Variants in FBXL7 observed in about 807,000 individuals in gnomAD.
FBXL7 encodes F-box and leucine rich repeat protein 7.
FBXL7 carries 12 observed loss-of-function variants against 38.3 expected under a neutral mutation model. The observed-to-expected ratio is 0.31, with a 90% CI of 0.20 to 0.51. FBXL7 has a LOEUF of 0.51. Among genes scored for constraint, FBXL7 ranks in the 20% least tolerant of loss-of-function variants. The probability of loss-of-function intolerance (pLI) is 0.98; values close to 1 mark genes in which losing one functional copy is unlikely to be tolerated. For synonymous variants in FBXL7, 297 were observed against 300.9 expected (o/e 0.99, Z 0.13); for missense variants, 567 against 676.4 (o/e 0.84, Z 1.79).
intron 1 of FBXL7, among the ~76,000 whole-genome samples, chr5:15,509,201 G>A (rs1472133898): frequency 6.6e-6 from 1 of 152,190 alleles, no homozygotes; most frequent in East Asian, 1.9e-4. Context: ...GCTGGGAGGG[G>A]CAGAGTGGCA....
At chr5:15,901,002 A>G (rs1741220014) in intron 2 of FBXL7, among the ~76,000 whole-genome samples, 1 of 152,234 alleles carries the variant, frequency 6.6e-6, no homozygotes, top group African/African-American at 2.4e-5. Flanking sequence ...CTTAACTTCA[A>G]AAACACATGT....
chr5:15,780,029 A>T (rs1192213917), intron 2 of FBXL7, among the ~76,000 whole-genome samples: 1 of 152,182 alleles, frequency 6.6e-6, no homozygotes, highest in Non-Finnish European at 1.5e-5. Flanking sequence ...TGGGTATTGA[A>T]TATGTTAAGT....
intron 2 of FBXL7, among the ~76,000 whole-genome samples, chr5:15,704,264 T>A (rs1281858161): frequency 6.6e-6 from 1 of 152,170 alleles, no homozygotes; most frequent in Non-Finnish European, 1.5e-5. Flanking sequence ...GGATTCCAGC[T>A]CCCTCATCTG....
At chr5:15,790,943 G>A (rs1737257905) in intron 2 of FBXL7, among the ~76,000 whole-genome samples, 1 of 152,080 alleles carries the variant, frequency 6.6e-6, no homozygotes, top group Non-Finnish European at 1.5e-5. Flanking sequence ...AAGTCCTTTT[G>A]GTCATGGGAA....
At chr5:15,833,838 A>C (rs1173447666) in intron 2 of FBXL7, among the ~76,000 whole-genome samples, 1 of 152,190 alleles carries the variant, frequency 6.6e-6, no homozygotes, top group Non-Finnish European at 1.5e-5. Context: ...AAGGGCATGG[A>C]CATTCTAAAA....
intron 2 of FBXL7, among the ~76,000 whole-genome samples, chr5:15,899,356 C>G (rs1038307772): frequency 6.6e-6 from 1 of 152,172 alleles, no homozygotes; most frequent in African/African-American, 2.4e-5. Flanking sequence ...CGTGAGCCAC[C>G]GCGCCTGGCC....
At chr5:15,764,135 G>A (rs1211461296) in intron 2 of FBXL7, among the ~76,000 whole-genome samples, 3 of 152,170 alleles carry the variant, frequency 2.0e-5, no homozygotes, top group African/African-American at 7.2e-5. Flanking sequence ...GTCCAGTTAA[G>A]TTGACATCTA....
At chr5:15,669,470 C>T (rs753037936) in intron 2 of FBXL7, among the ~76,000 whole-genome samples, 7 of 152,128 alleles carry the variant, frequency 4.6e-5, no homozygotes, top group African/African-American at 1.4e-4. Context: ...GAGACACTAG[C>T]GTGGGATGCA....
intron 3 of FBXL7, among the ~76,000 whole-genome samples, chr5:15,931,663 T>C (rs1274058253): frequency 6.6e-6 from 1 of 152,190 alleles, no homozygotes; most frequent in African/African-American, 2.4e-5. Context: ...CATAAGATGC[T>C]CTTCTTAGGT....
At chr5:15,700,426 A>G (rs961098859) in intron 2 of FBXL7, among the ~76,000 whole-genome samples, 10 of 152,144 alleles carry the variant, frequency 6.6e-5, no homozygotes, top group Admixed American at 2.6e-4. Flanking sequence ...CATGGAACCA[A>G]TTTTCTGATT....
chr5:15,835,002 G>A (rs528833446), intron 2 of FBXL7, among the ~76,000 whole-genome samples: 42 of 152,306 alleles, frequency 2.8e-4, no homozygotes, highest in Non-Finnish European at 5.6e-4. Flanking sequence ...TCCAAGTAAT[G>A]AGCTGGGCTA....
intron 2 of FBXL7, among the ~76,000 whole-genome samples, chr5:15,716,355 A>G (rs1008711045): frequency 3.3e-5 from 5 of 152,222 alleles, no homozygotes; most frequent in Non-Finnish European, 7.3e-5. Context: ...TAACATTTGT[A>G]TGAATGTGGC....
chr5:15,886,494 C>T (rs559325264), intron 2 of FBXL7, among the ~76,000 whole-genome samples: 1 of 152,258 alleles, frequency 6.6e-6, no homozygotes, highest in South Asian at 2.1e-4. Context: ...CAGAAGTACA[C>T]TGTTTTTTCC....
chr5:15,765,251 C>T (rs1475052760), intron 2 of FBXL7, among the ~76,000 whole-genome samples: 2 of 152,054 alleles, frequency 1.3e-5, no homozygotes, highest in East Asian at 3.9e-4. Flanking sequence ...CTCAATTTTT[C>T]CTTTATGATC....
intron 2 of FBXL7, among the ~76,000 whole-genome samples, chr5:15,715,633 A>C (rs1744022692): frequency 6.6e-6 from 1 of 152,174 alleles, no homozygotes; most frequent in East Asian, 1.9e-4. Context: ...TACCTAAATA[A>C]ATAGGTTTGG....
At chr5:15,671,341 C>T (rs10076460) in intron 2 of FBXL7, among the ~76,000 whole-genome samples, 3,316 of 152,266 alleles carry the variant, frequency 0.022, 126 homozygotes, top group African/African-American at 0.074. Flanking sequence ...ATCAATAATG[C>T]CACACTGAGC....
At position 15,938,383 on chromosome 5, in the gene FBXL7, C is replaced by T. The variant is rs931457399; in HGVS notation, c.*1197C>T. ...TTGCACACCTGGCATGCATCAGGCA[C>T]ATCTGTCCTACAGCTGGCAGAGACA... On this transcript the variant is annotated 3_prime_UTR_variant, in exon 4 of 4. Coordinates refer to ENST00000504595, the MANE Select transcript of FBXL7 (RefSeq NM_012304.5). 1 of 152,248 alleles carries T rather than the reference C, an allele frequency of 6.6e-6. No individual in the cohort carries two copies. Among genetic ancestry groups the T allele is most frequent in the Non-Finnish European group, 1.5e-5 (1 of 68,052 alleles). 9.4% of individuals were successfully genotyped at this position (152,248 alleles called of 1,614,324 possible).
intron 2 of FBXL7, among the ~76,000 whole-genome samples, chr5:15,854,794 A>G (rs1379122124): frequency 6.6e-6 from 1 of 152,138 alleles, no homozygotes; most frequent in African/African-American, 2.4e-5. Flanking sequence ...CAAACTTTTT[A>G]GTCAAGTTCT....
At chr5:15,861,646 A>G (rs1739477117) in intron 2 of FBXL7, among the ~76,000 whole-genome samples, 1 of 152,214 alleles carries the variant, frequency 6.6e-6, no homozygotes, top group South Asian at 2.1e-4. Flanking sequence ...TCTCTAGAAT[A>G]TAGCAGCAGG....
Sources: gnomAD v4.1 joint callset for allele counts (sites outside exome capture counted in the v4.1 genomes callset) on GRCh38, gnomAD v4.1.1 for gene constraint, MANE v1.5 for transcripts, NCBI Gene and HGNC (gene_info 2026-07-23, HGNC 2026-07-21) for gene names.